The following C19orf47 variants were observed in gnomAD, a reference collection of about 807,000 sequenced individuals.
The protein encoded by C19orf47 is chromosome 19 open reading frame 47.
C19orf47 carries 18 observed loss-of-function variants against 32.3 expected under a neutral mutation model. That is an observed-to-expected ratio of 0.56 (90% CI 0.39 to 0.83). The LOEUF (loss-of-function observed/expected upper bound fraction) is 0.83, where lower values mean the gene tolerates loss of function less well. Among genes scored for constraint, C19orf47 ranks in the 40% least tolerant of loss-of-function variants. The pLI, the probability that C19orf47 is intolerant of heterozygous loss-of-function variation, is 0.00. For missense variants in C19orf47, 484 were observed against 531.6 expected, an observed-to-expected ratio of 0.91 and a Z score of 0.88; for synonymous variants, 202 against 211.1, an observed-to-expected ratio of 0.96 and a Z score of 0.37.
At chr19:40,339,350 T>C (rs2078131564) in intron 2 of C19orf47, among the ~76,000 whole-genome samples, 1 of 152,220 alleles carries the variant, frequency 6.6e-6, no homozygotes, top group South Asian at 2.1e-4. Context: ...AGTTGTGCAA[T>C]GATGTGAGTC....
upstream of C19orf47, chr19:40,348,402 G>T: frequency 1.5e-6 from 2 of 1,343,936 alleles, no homozygotes; most frequent in Non-Finnish European, 1.9e-6. Context: ...CTCCTCCCCC[G>T]GCCCGGGCTG....
At chr19:40,337,888 G>A (rs2078097490) in intron 2 of C19orf47, among the ~76,000 whole-genome samples, 1 of 152,134 alleles carries the variant, frequency 6.6e-6, no homozygotes, top group South Asian at 2.1e-4. Flanking sequence ...TCCCTATGTT[G>A]TGCAGGCACC....
the C19orf47 span, among the ~76,000 whole-genome samples, chr19:40,301,382 C>T: frequency 6.7e-6 from 1 of 148,460 alleles, no homozygotes; most frequent in Non-Finnish European, 1.5e-5. Context: ...GCTCTGTCGC[C>T]CAGGCTGGAG....
chr19:40,332,825 G>A lies in C19orf47; in HGVS notation c.301+1026C>T, dbSNP rs570029571. Among the ~76,000 whole-genome samples the A allele has an allele frequency of 5.9e-5, 9 of 152,132 alleles. No individual in the cohort carries two copies. In the East Asian group the frequency reaches 7.7e-4, roughly 13 times the overall value. ...GAACATTTTGAGTTGCTCCAGACAC[G>A]TTCCCAAATGAGGACAAAGAAGGCA... On this transcript the variant is annotated intron_variant, in intron 5 of 8. Coordinates refer to ENST00000683109, the MANE Select transcript of C19orf47 (RefSeq NM_001256441.2).
downstream of C19orf47, among the ~76,000 whole-genome samples, chr19:40,318,751 T>C (rs950217928): frequency 5.9e-5 from 9 of 152,026 alleles, no homozygotes; most frequent in Non-Finnish European, 1.3e-4. Context: ...GAGAAAGGCA[T>C]CTATTACTGC....
the C19orf47 span, among the ~76,000 whole-genome samples, chr19:40,311,230 T>C: frequency 0.73 from 110,064 of 151,784 alleles, 40,082 homozygotes; most frequent in African/African-American, 0.79. Flanking sequence ...TACAAAAAAA[T>C]TAGCCAGGCA....
intron 1 of C19orf47, chr19:40,343,534 G>T (rs548411178): frequency 6.6e-6 from 1 of 152,352 alleles, no homozygotes; most frequent in East Asian, 1.9e-4. Context: ...TTGAGACAGT[G>T]CTTGGTGCCT....
intron 1 of C19orf47, chr19:40,342,461 A>T (rs1022770687): frequency 1.3e-5 from 2 of 153,200 alleles, no homozygotes; most frequent in South Asian, 2.0e-4. Context: ...ACAAACAAAC[A>T]AACCCAAAAC....
At chr19:40,332,342 G>C (rs908985038) in intron 5 of C19orf47, among the ~76,000 whole-genome samples, 1 of 150,164 alleles carries the variant, frequency 6.7e-6, no homozygotes, top group Non-Finnish European at 1.5e-5. Flanking sequence ...GCAACACAGC[G>C]AGACTATCTC....
Position 40,321,792 on chromosome 19 carries a change from G to A in C19orf47, c.*90C>T, listed in dbSNP as rs2077722527. On this transcript the variant is annotated 3_prime_UTR_variant, in exon 9 of 9. Coordinates refer to ENST00000683109, the MANE Select transcript of C19orf47 (RefSeq NM_001256441.2). ...GGGAGACAAGCTGTGTCATCCAGGA[G>A]CTGGTGGGAGGCGTGATGAAGCCAG... 4.2e-6 allele frequency: 6 copies of A among 1,444,648 alleles called. No homozygotes were observed. The South Asian group carries it at 8.9e-5, about 21-fold the overall frequency. The allele number at this position is 1,444,648 out of a possible 1,614,324, so 89.5% of individuals were successfully genotyped here.
At chr19:40,303,795 C>G in the C19orf47 span, among the ~76,000 whole-genome samples, 1 of 101,374 alleles carries the variant, frequency 9.9e-6, no homozygotes, top group Non-Finnish European at 1.8e-5. Context: ...CAGAACGAGA[C>G]TTTGTCTGAA....
the C19orf47 span, among the ~76,000 whole-genome samples, chr19:40,312,005 G>A: frequency 6.6e-6 from 1 of 152,100 alleles, no homozygotes; most frequent in Non-Finnish European, 1.5e-5. Context: ...ATTGATATGT[G>A]CAACATTAGT....
chr19:40,301,551 A>G, the C19orf47 span, among the ~76,000 whole-genome samples: 1 of 151,628 alleles, frequency 6.6e-6, no homozygotes, highest in Non-Finnish European at 1.5e-5. Flanking sequence ...CATGTTGGTC[A>G]GGCTGGTCTC....
At chr19:40,337,850 C>T (rs901611352) in intron 2 of C19orf47, among the ~76,000 whole-genome samples, 3 of 151,988 alleles carry the variant, frequency 2.0e-5, no homozygotes, top group East Asian at 1.9e-4. Flanking sequence ...GGATTTCCTC[C>T]GCCAGGCCAG....
the C19orf47 span, among the ~76,000 whole-genome samples, chr19:40,307,243 A>T: frequency 6.6e-6 from 1 of 151,568 alleles, no homozygotes; most frequent in East Asian, 1.9e-4. Flanking sequence ...TTACAGGCGC[A>T]TGCCACCATG....
chr19:40,296,395 C>T, the C19orf47 span, among the ~76,000 whole-genome samples: 5 of 152,226 alleles, frequency 3.3e-5, no homozygotes, highest in East Asian at 1.9e-4. Flanking sequence ...ATTATCCTGC[C>T]TCAGCATCCC....
downstream of C19orf47, among the ~76,000 whole-genome samples, chr19:40,317,411 T>C (rs532727406): frequency 2.6e-5 from 4 of 151,644 alleles, no homozygotes; most frequent in African/African-American, 4.9e-5. Context: ...CTGGGCAACA[T>C]AGAAAGACCC....
At chr19:40,296,589 C>T in the C19orf47 span, among the ~76,000 whole-genome samples, 16,491 of 151,958 alleles carry the variant, frequency 0.11, 1,250 homozygotes, top group African/African-American at 0.21. Flanking sequence ...GCCAAGTGTT[C>T]GTATATCTAA....
rs775470099 is a variant in C19orf47 at position 40,324,024 on chromosome 19, G to A, written c.645C>T (p.Asp215=). The A allele has an allele frequency of 1.2e-6, 2 of 1,614,106 alleles. No individual in the cohort carries two copies. The highest frequency in any genetic ancestry group is 1.7e-5 in the Admixed American group (1 of 60,004). The change falls in exon 8 of 9, where the codon GAC becomes GAT. Residue 215 remains aspartate (D), a synonymous_variant. Transcript: ENST00000683109. ...FDRLGAETKA[D]TTTGSKPTGV... The stretch of plus-strand genomic sequence containing the variant: ...CACTCACTTTACTCCCTGTCGTGGT[G>A]TCTGCCTTGGTCTCGGCGCCGAGGC...
Sources: allele counts gnomAD v4.1 joint callset (sites outside exome capture counted in the v4.1 genomes callset), GRCh38; gene constraint gnomAD v4.1.1; transcripts MANE v1.5; gene names NCBI Gene and HGNC (gene_info 2026-07-23, HGNC 2026-07-21).